Variants in DCC observed in about 807,000 individuals in gnomAD.
The protein encoded by DCC is DCC netrin 1 receptor.
In DCC, 58 loss-of-function variants were observed where a neutral mutation model predicts 172.5. The ratio of observed to expected loss-of-function variants is 0.34; its 90% CI spans 0.27 to 0.42. DCC has a LOEUF of 0.42. Ranked by LOEUF, DCC falls within the 10% of genes least tolerant of loss-of-function variation. The probability of loss-of-function intolerance (pLI) is 1.00; values close to 1 mark genes in which losing one functional copy is unlikely to be tolerated. For synonymous variants in DCC, 709 were observed against 644.5 expected (o/e 1.10, Z -1.52); for missense variants, 1,740 against 1,791.0 (o/e 0.97, Z 0.51).
chr18:52,804,213 A>G (rs1227650589), intron 2 of DCC, among the ~76,000 whole-genome samples: 2 of 150,484 alleles, frequency 1.3e-5, no homozygotes, highest in Admixed American at 1.3e-4. Context: ...ATTCTGTTAA[A>G]CACTTTACAT....
At position 52,340,823 on chromosome 18, in the gene DCC, G is replaced by A. The variant is rs776881751; in HGVS notation, c.36G>A (p.Lys12=). Residue 12 remains lysine (K), a synonymous_variant, in exon 1 of 29, where the codon AAG becomes AAA. Coordinates refer to ENST00000442544, the MANE Select transcript of DCC (RefSeq NM_005215.4). ...ENSLRCVWVP[K]LAFVLFGASL... is the part of the protein sequence containing the mutation. Reference sequence around the variant, plus strand: ...GTCTTAGATGTGTTTGGGTACCCAAGCTGGCTTTTGTACTCTTCGGAGCTT... The same window carrying A: ...GTCTTAGATGTGTTTGGGTACCCAAACTGGCTTTTGTACTCTTCGGAGCTT... The A allele has an allele frequency of 7.4e-6, 12 of 1,614,018 alleles. No individual in the cohort carries two copies. Among genetic ancestry groups the A allele is most frequent in the Middle Eastern group, 1.6e-4 (1 of 6,084 alleles).
At chr18:52,883,350 A>G (rs12953545) in intron 2 of DCC, among the ~76,000 whole-genome samples, 7,897 of 33,912 alleles carry the variant, frequency 0.23, 341 homozygotes, top group Middle Eastern at 0.44. Context: ...TTATTTATTT[A>G]TGTGTGTGTG....
intron 1 of DCC, among the ~76,000 whole-genome samples, chr18:52,589,224 G>A (rs1485739143): frequency 6.6e-6 from 1 of 152,122 alleles, no homozygotes; most frequent in Non-Finnish European, 1.5e-5. Flanking sequence ...AAAAGCAAAT[G>A]TCTTGCAAAT....
intron 7 of DCC, among the ~76,000 whole-genome samples, chr18:53,149,070 C>G (rs2043961109): frequency 1.3e-5 from 2 of 151,836 alleles, no homozygotes; most frequent in Non-Finnish European, 2.9e-5. Context: ...ACCATCTTGG[C>G]CAGGCTAGTC....
chr18:53,413,750 T>C (rs1428894566), intron 20 of DCC, among the ~76,000 whole-genome samples: 1 of 152,190 alleles, frequency 6.6e-6, no homozygotes, highest in Non-Finnish European at 1.5e-5. Context: ...TAAAGAATTC[T>C]CACCTAAATA....
chr18:53,011,494 A>G (rs1599026233), intron 5 of DCC, among the ~76,000 whole-genome samples: 1 of 151,758 alleles, frequency 6.6e-6, no homozygotes, highest in Non-Finnish European at 1.5e-5. Flanking sequence ...TATGCCTTGT[A>G]TAGCTTAAAG....
At chr18:53,431,112 T>C (rs560119314) in intron 21 of DCC, among the ~76,000 whole-genome samples, 176 of 152,232 alleles carry the variant, frequency 1.2e-3, no homozygotes, top group African/African-American at 4.2e-3. Context: ...ATATAAAAGC[T>C]ATTTTGAATA....
chr18:52,708,048 T>C (rs563488595), intron 1 of DCC, among the ~76,000 whole-genome samples: 1 of 152,326 alleles, frequency 6.6e-6, no homozygotes, highest in East Asian at 1.9e-4. Context: ...GTGCATATAT[T>C]AGTTTGATGT....
At chr18:53,180,857 C>T (rs1343592209) in intron 9 of DCC, among the ~76,000 whole-genome samples, 1 of 152,120 alleles carries the variant, frequency 6.6e-6, no homozygotes, top group Non-Finnish European at 1.5e-5. Context: ...AAGTGATCCC[C>T]CTGCCTCGGC....
intron 15 of DCC, among the ~76,000 whole-genome samples, chr18:53,378,399 C>A (rs746771490): frequency 1.3e-5 from 2 of 149,968 alleles, no homozygotes; most frequent in Non-Finnish European, 1.5e-5. Context: ...TGTTCAATGG[C>A]GATTGTTGAG....
intron 2 of DCC, among the ~76,000 whole-genome samples, chr18:52,789,389 C>T (rs745546114): frequency 6.6e-6 from 1 of 151,970 alleles, no homozygotes; most frequent in African/African-American, 2.4e-5. Flanking sequence ...AAAAATGATT[C>T]AGTTGACTGA....
At chr18:53,402,941 A>G in intron 19 of DCC, 48 bp downstream of exon 19, 1 of 1,363,078 alleles carries the variant, frequency 7.3e-7, no homozygotes, top group Non-Finnish European at 1.1e-6. Context: ...CTTGTCCTAT[A>G]ATTGCTTACC....
In DCC at chr18:52,906,081, A is replaced by T; in HGVS notation, c.450A>T (p.Thr150=). Residue 150 remains threonine, a synonymous_variant, in exon 3 of 29, where the codon ACA becomes ACT. Transcript: ENST00000442544. ...LRFLSQTESV[T]AFMGDTVLLK... is the part of the protein sequence containing the mutation. ...TCCTTTCACAGACAGAATCTGTCAC[A>T]GCCTTCATGGGAGACACAGTGCTAC... 1 of 1,613,120 alleles carries T rather than the reference A, an allele frequency of 6.2e-7. No individual in the cohort carries two copies.
rs116708859 is a variant in DCC, at chr18:52,965,992, G to A, written c.985+40622G>A. ...AAACTCCACTGATGTACTTGGCTCT[G>A]TGGGGACCCATAAAGGAATATCATG... On this transcript the variant is annotated intron_variant, in intron 5 of 28. Transcript: ENST00000442544. Among the ~76,000 whole-genome samples the A allele has an allele frequency of 5.6e-3, 859 of 152,284 alleles. 8 individuals are homozygous for A. Among genetic ancestry groups the A allele is most frequent in the African/African-American group, 0.02 (827 of 41,562 alleles).
chr18:52,953,093 T>C (rs1006202961), intron 5 of DCC, among the ~76,000 whole-genome samples: 6 of 151,772 alleles, frequency 4.0e-5, no homozygotes, highest in Non-Finnish European at 4.4e-5. Context: ...TTTTTATCTG[T>C]TGTGAAGTCA....
intron 15 of DCC, among the ~76,000 whole-genome samples, chr18:53,377,557 G>A (rs11082985): frequency 0.46 from 69,524 of 151,798 alleles, 16,852 homozygotes; most frequent in Non-Finnish European, 0.54. Context: ...AATTTCCAAC[G>A]CATGAACCTT....
At chr18:53,216,025 C>T (rs1281548096) in intron 12 of DCC, among the ~76,000 whole-genome samples, 3 of 152,178 alleles carry the variant, frequency 2.0e-5, no homozygotes, top group Admixed American at 6.5e-5. Flanking sequence ...TCATCATCCC[C>T]ATTCTTCCTT....
intron 2 of DCC, among the ~76,000 whole-genome samples, chr18:52,848,706 T>A (rs557245889): frequency 8.5e-5 from 13 of 152,332 alleles, no homozygotes; most frequent in Admixed American, 8.5e-4. Flanking sequence ...TTTTTTCACA[T>A]AACTATCCAG....
intron 24 of DCC, among the ~76,000 whole-genome samples, chr18:53,464,087 T>A (rs2045590214): frequency 6.6e-6 from 1 of 152,212 alleles, no homozygotes; most frequent in South Asian, 2.1e-4. Context: ...ATACATCTCT[T>A]CTACATCTAG....
Sources: gnomAD v4.1 joint callset for allele counts (sites outside exome capture counted in the v4.1 genomes callset) on GRCh38, gnomAD v4.1.1 for gene constraint, MANE v1.5 for transcripts, NCBI Gene and HGNC (gene_info 2026-07-23, HGNC 2026-07-21) for gene names.